ROBO2: variants seen among roughly 807,000 people sequenced by gnomAD.
ROBO2 encodes roundabout guidance receptor 2.
ROBO2 carries 53 observed loss-of-function variants against 160.8 expected under a neutral mutation model. That is an observed-to-expected ratio of 0.33 (90% CI 0.26 to 0.41). The LOEUF (loss-of-function observed/expected upper bound fraction) is 0.41. ROBO2 is among the 10% of genes least tolerant of loss of function. The probability of loss-of-function intolerance (pLI) is 1.00; values close to 1 mark genes in which losing one functional copy is unlikely to be tolerated. For missense variants in ROBO2, 1,577 were observed against 1,722.4 expected, an observed-to-expected ratio of 0.92 and a Z score of 1.49; for synonymous variants, 664 against 611.7, an observed-to-expected ratio of 1.09 and a Z score of -1.26.
chr3:76,239,537 T>TTATCCTGTCTATCTCTACAAGA (rs1705164385), intron 2 of ROBO2, among the ~76,000 whole-genome samples: 1 of 152,124 alleles, frequency 6.6e-6, no homozygotes, highest in Admixed American at 6.5e-5. Context: ...AGACAGGTGT[T>TTATCCTGTCTATCTCTACAAGA]GAAGTCCAGT....
At chr3:76,920,516 G>C (rs1004169644) in intron 2 of ROBO2, among the ~76,000 whole-genome samples, 3 of 152,176 alleles carry the variant, frequency 2.0e-5, no homozygotes, top group Admixed American at 1.3e-4. Flanking sequence ...CTTCTATGAA[G>C]CAGAAAATCC....
intron 2 of ROBO2, among the ~76,000 whole-genome samples, chr3:76,506,988 A>G (rs577219119): frequency 6.6e-6 from 1 of 152,310 alleles, no homozygotes; most frequent in East Asian, 1.9e-4. Context: ...ATAAAAATAT[A>G]TGAATTTAAA....
intron 2 of ROBO2, among the ~76,000 whole-genome samples, chr3:76,693,930 AAC>A (rs1187501416): frequency 1.3e-5 from 2 of 152,192 alleles, no homozygotes; most frequent in Non-Finnish European, 2.9e-5. Flanking sequence ...CTCTCCTGGA[AAC>A]ATCCTCACAG....
At chr3:76,970,702 T>A (rs2059531947) in intron 2 of ROBO2, among the ~76,000 whole-genome samples, 2 of 152,170 alleles carry the variant, frequency 1.3e-5, no homozygotes, top group Admixed American at 6.5e-5. Context: ...ATGGCTCAGG[T>A]AAAATGATAA....
At chr3:76,195,195 G>A (rs1702205166) in intron 2 of ROBO2, among the ~76,000 whole-genome samples, 1 of 152,034 alleles carries the variant, frequency 6.6e-6, no homozygotes, top group African/African-American at 2.4e-5. Context: ...TGAGTATTGG[G>A]GATATTGGAT....
chr3:77,412,993 G>T (rs1303628743), intron 2 of ROBO2, among the ~76,000 whole-genome samples: 2 of 152,034 alleles, frequency 1.3e-5, no homozygotes, highest in Admixed American at 6.6e-5. Context: ...GAGGCAGGAG[G>T]GTAGCTTGGG....
At position 77,122,114 on chromosome 3, in the gene ROBO2, T is replaced by C. The variant is rs1053707893; in HGVS notation, c.388+23774T>C. ...TTCTTAGGATTGATCTCTTTGTGAA[T>C]ATAAAGTGCAACGAGACTTTCTGAT... On this transcript the variant is annotated intron_variant, in intron 2 of 25. Transcript: ENST00000461745. Among the ~76,000 whole-genome samples, 4 of 152,206 alleles carry C rather than the reference T, an allele frequency of 2.6e-5. No individual in the cohort carries two copies. In the South Asian group the frequency reaches 8.3e-4, roughly 32 times the overall value.
chr3:77,108,653 G>A (rs373926444), intron 2 of ROBO2, among the ~76,000 whole-genome samples: 70 of 152,098 alleles, frequency 4.6e-4, no homozygotes, highest in Non-Finnish European at 8.4e-4. Context: ...TTCAGACAGG[G>A]CATACTGCAG....
chr3:77,554,009 A>G (rs901554669), intron 8 of ROBO2, among the ~76,000 whole-genome samples: 16 of 152,116 alleles, frequency 1.1e-4, no homozygotes, highest in Middle Eastern at 3.4e-3. Flanking sequence ...TGATGGCTGA[A>G]GAAAAGAAGT....
intron 2 of ROBO2, among the ~76,000 whole-genome samples, chr3:77,127,377 C>A (rs1464458825): frequency 6.6e-6 from 1 of 152,126 alleles, no homozygotes; most frequent in Non-Finnish European, 1.5e-5. Context: ...ACATACTGAA[C>A]TTTTTCTTGT....
intron 5 of ROBO2, among the ~76,000 whole-genome samples, chr3:77,517,410 G>T (rs951491583): frequency 7.3e-5 from 11 of 151,428 alleles, no homozygotes; most frequent in Non-Finnish European, 1.2e-4. Flanking sequence ...GTTTGAGAGG[G>T]AGGCAAGGAC....
chr3:77,000,833 CT>C (rs2061300051), intron 2 of ROBO2, among the ~76,000 whole-genome samples: 1 of 152,126 alleles, frequency 6.6e-6, no homozygotes, highest in Non-Finnish European at 1.5e-5. Flanking sequence ...ATCTAAAGTG[CT>C]TTTTAGTTTA....
intron 20 of ROBO2, among the ~76,000 whole-genome samples, chr3:77,606,154 T>G (rs549474518): frequency 6.6e-6 from 1 of 152,216 alleles, no homozygotes; most frequent in South Asian, 2.1e-4. Flanking sequence ...CTGGAGAAGT[T>G]GGGAGTAAAG....
At chr3:76,760,333 C>T (rs766712336) in intron 2 of ROBO2, among the ~76,000 whole-genome samples, 1 of 151,656 alleles carries the variant, frequency 6.6e-6, no homozygotes, top group Non-Finnish European at 1.5e-5. Flanking sequence ...TTCTGATTAC[C>T]TGCTGGCAAA....
intron 2 of ROBO2, among the ~76,000 whole-genome samples, chr3:76,791,289 C>A (rs2063334075): frequency 6.6e-6 from 1 of 151,734 alleles, no homozygotes; most frequent in South Asian, 2.1e-4. Flanking sequence ...GGTAGTGAGC[C>A]TGCAGAATGG....
intron 2 of ROBO2, among the ~76,000 whole-genome samples, chr3:76,305,035 T>C (rs918657921): frequency 1.3e-5 from 2 of 151,996 alleles, no homozygotes; most frequent in African/African-American, 2.4e-5. Context: ...ATAAATAGGA[T>C]ATTTTACATT....
At chr3:77,104,011 G>T (rs77755239) in intron 2 of ROBO2, among the ~76,000 whole-genome samples, 2,598 of 151,960 alleles carry the variant, frequency 0.017, 31 homozygotes, top group Middle Eastern at 0.037. Flanking sequence ...AAATTAAATT[G>T]CAAAAAGATC....
chr3:75,916,239 G>A (rs1332407168), intron 1 of ROBO2, among the ~76,000 whole-genome samples: 3 of 152,118 alleles, frequency 2.0e-5, no homozygotes, highest in Non-Finnish European at 1.5e-5. Context: ...CGTTCACCTT[G>A]GTAGAGAACA....
intron 2 of ROBO2, among the ~76,000 whole-genome samples, chr3:76,187,537 G>A (rs1028890209): frequency 6.6e-6 from 1 of 152,092 alleles, no homozygotes; most frequent in African/African-American, 2.4e-5. Context: ...GCCTCACAAA[G>A]TTCTGGGATT....
Sources: gnomAD v4.1 joint callset for allele counts (sites outside exome capture counted in the v4.1 genomes callset) on GRCh38, gnomAD v4.1.1 for gene constraint, MANE v1.5 for transcripts, NCBI Gene and HGNC (gene_info 2026-07-23, HGNC 2026-07-21) for gene names.